Variants in NMBR observed in about 807,000 individuals in gnomAD.
The protein encoded by NMBR is neuromedin B receptor.
In NMBR, 16 loss-of-function variants were observed where a neutral mutation model predicts 20.5. The ratio of observed to expected loss-of-function variants is 0.78; its 90% confidence interval spans 0.53 to 1.19. The LOEUF is 1.19. Ranked by LOEUF, NMBR falls within the 50% of genes most tolerant of loss-of-function variation. NMBR has a pLI of 0.00. For missense variants in NMBR, 582 were observed against 499.1 expected (o/e 1.17, Z -1.58); for synonymous variants, 212 against 196.6 (o/e 1.08, Z -0.65).
At chr6:142,105,479 A>T (rs570379027) in intron 1 of NMBR, among the ~76,000 whole-genome samples, 2 of 152,340 alleles carry the variant, frequency 1.3e-5, no homozygotes, top group South Asian at 2.1e-4. Flanking sequence ...ACCACACAAG[A>T]TTTCCATAAA....
At chr6:142,076,824 T>G (rs1776959360) in intron 3 of NMBR, among the ~76,000 whole-genome samples, 1 of 152,198 alleles carries the variant, frequency 6.6e-6, no homozygotes, top group African/African-American at 2.4e-5. Flanking sequence ...AACATGGACA[T>G]GGAATACCAA....
rs1231958062 is a variant in NMBR at position 142,078,729 on chromosome 6, G to A, written c.597C>T (p.Ile199=). The part of the protein sequence containing the change: ...SLDNSSFTAC[I]PYPQTDELHP... ...GTAATTCATCTGTTTGAGGGTATGG[G>A]ATACATGCTGTGAAGCTGCTATTAT... is the stretch of plus-strand genomic sequence containing the variant. Residue 199 remains isoleucine, a synonymous_variant, in exon 3 of 4, where the codon ATC becomes ATT. Coordinates refer to ENST00000258042, the MANE Select transcript of NMBR (RefSeq NM_002511.4). The A allele has an allele frequency of 6.2e-7, 1 of 1,613,982 alleles. No homozygotes were observed. Among genetic ancestry groups the A allele is most frequent in the East Asian group, 2.2e-5 (1 of 44,854 alleles).
chr6:142,081,086 A>T (rs1369282364), intron 2 of NMBR, among the ~76,000 whole-genome samples: 1 of 152,126 alleles, frequency 6.6e-6, no homozygotes, highest in Non-Finnish European at 1.5e-5. Flanking sequence ...GTCTGGTGAG[A>T]GTCCCCCTTT....
intron 1 of NMBR, among the ~76,000 whole-genome samples, chr6:142,136,814 G>A (rs1160656664): frequency 3.9e-5 from 6 of 152,034 alleles, no homozygotes; most frequent in Non-Finnish European, 5.9e-5. Flanking sequence ...GTAGATATGC[G>A]GCAGTATTTC....
intron 1 of NMBR, among the ~76,000 whole-genome samples, chr6:142,114,185 T>C (rs1777814411): frequency 6.6e-6 from 1 of 152,180 alleles, no homozygotes; most frequent in Non-Finnish European, 1.5e-5. Context: ...AAAGAGGATT[T>C]GAATGAGCCC....
intron 2 of NMBR, among the ~76,000 whole-genome samples, chr6:142,080,175 T>C (rs1237083870): frequency 6.6e-6 from 1 of 152,090 alleles, no homozygotes; most frequent in African/African-American, 2.4e-5. Flanking sequence ...TTAGCTTTAC[T>C]TTCCATCATT....
chr6:142,102,383 C>T (rs1433247384), intron 1 of NMBR, among the ~76,000 whole-genome samples: 1 of 132,528 alleles, frequency 7.5e-6, no homozygotes, highest in Non-Finnish European at 1.6e-5. Flanking sequence ...GAGCAACACT[C>T]TGTCTCAAAA....
rs559300186 is a variant in NMBR, at chr6:142,146,589, C to A, written c.-664+455G>T. Reference sequence around the variant, plus strand: ...AGATAATAAATATGAAAATACTTTACAAATTGTTAATCACTCTCCAGAAAA... The same window carrying A: ...AGATAATAAATATGAAAATACTTTAAAAATTGTTAATCACTCTCCAGAAAA... On this transcript the variant is annotated intron_variant, in intron 1 of 3. Coordinates refer to ENST00000258042, the MANE Select transcript of NMBR (RefSeq NM_002511.4). 2.0e-5 allele frequency among the ~76,000 whole-genome samples: 3 copies of A among 151,794 alleles called. No individual in the cohort carries two copies. In the East Asian group the frequency reaches 5.8e-4, roughly 29 times the overall value.
At chr6:142,131,734 A>G (rs375589740) in intron 1 of NMBR, among the ~76,000 whole-genome samples, 24 of 152,286 alleles carry the variant, frequency 1.6e-4, no homozygotes, top group Admixed American at 1.2e-3. Context: ...TGGCCCTCAT[A>G]GATCTCAGCA....
At chr6:142,081,297 A>G (rs1777089866) in intron 2 of NMBR, among the ~76,000 whole-genome samples, 1 of 152,208 alleles carries the variant, frequency 6.6e-6, no homozygotes, top group African/African-American at 2.4e-5. Context: ...CATAAACATT[A>G]TATCATAGCA....
intron 1 of NMBR, chr6:142,133,980 A>G (rs1188306621): frequency 8.5e-6 from 6 of 702,444 alleles, no homozygotes; most frequent in Admixed American, 2.0e-5. Context: ...GATCCAGACA[A>G]AAGAGAAGTA....
At chr6:142,142,658 T>C (rs1207156506) in intron 1 of NMBR, among the ~76,000 whole-genome samples, 2 of 151,786 alleles carry the variant, frequency 1.3e-5, no homozygotes, top group Admixed American at 6.6e-5. Flanking sequence ...AAAAACAAAA[T>C]AAACATATAT....
intron 1 of NMBR, among the ~76,000 whole-genome samples, chr6:142,107,606 G>A (rs1777684131): frequency 6.6e-6 from 1 of 152,024 alleles, no homozygotes; most frequent in African/African-American, 2.4e-5. Context: ...AATCCAACAA[G>A]TTCCATATAC....
At chr6:142,103,865 A>G (rs998979506) in intron 1 of NMBR, among the ~76,000 whole-genome samples, 2 of 152,312 alleles carry the variant, frequency 1.3e-5, no homozygotes, top group East Asian at 1.9e-4. Flanking sequence ...TTTTCATTAA[A>G]GTGTTGAAAA....
At chr6:142,078,057 T>C (rs949324844) in intron 3 of NMBR, among the ~76,000 whole-genome samples, 1 of 152,200 alleles carries the variant, frequency 6.6e-6, no homozygotes, top group African/African-American at 2.4e-5. Context: ...GGGTTCCTTT[T>C]CTGCTGCTCT....
rs766729999 is a variant in NMBR, at chr6:142,088,339, T to C, written c.320A>G (p.Asp107Gly). 3.7e-6 allele frequency: 6 copies of C among 1,614,066 alleles called. No homozygotes were observed. Among genetic ancestry groups the C allele is most frequent in the South Asian group, 2.2e-5 (2 of 91,066 alleles). Residue 107 changes from aspartate to glycine, a missense_variant, in exon 2 of 4, where the codon GAC becomes GGC. Transcript: ENST00000258042. ...GCCCACCTTGCCAAACATCCACTCG[T>C]CGAAGAAGTAGCGCGAGGCGTCCAC... is the stretch of plus-strand genomic sequence containing the variant. ...VPVDASRYFF[D>G]EWMFGKVGCK...
chr6:142,128,775 T>A (rs1382313759), intron 1 of NMBR, among the ~76,000 whole-genome samples: 2 of 151,830 alleles, frequency 1.3e-5, no homozygotes, highest in African/African-American at 2.4e-5. Context: ...TAGTATTTTA[T>A]GGAGGGTTTT....
chr6:142,130,020 C>A (rs943854957), intron 1 of NMBR, among the ~76,000 whole-genome samples: 4 of 152,062 alleles, frequency 2.6e-5, no homozygotes, highest in African/African-American at 9.7e-5. Flanking sequence ...CAACTACACC[C>A]CTGGTATGAA....
At position 142,107,611 on chromosome 6, in the gene NMBR, A is replaced by G. The variant is rs1348212985; in HGVS notation, c.-663-18290T>C. On this transcript the variant is annotated intron_variant, in intron 1 of 3. Coordinates refer to ENST00000258042, the MANE Select transcript of NMBR (RefSeq NM_002511.4). The stretch of plus-strand genomic sequence containing the variant: ...GTTACTAAAAAATCCAACAAGTTCC[A>G]TATACAGATTTACTACAGTATATTT... Among the ~76,000 whole-genome samples the G allele has an allele frequency of 3.3e-5, 5 of 152,336 alleles. No individual in the cohort carries two copies. The East Asian group carries it at 9.6e-4, about 29-fold the overall frequency.
Sources: gnomAD v4.1 joint callset for allele counts (sites outside exome capture counted in the v4.1 genomes callset) on GRCh38, gnomAD v4.1.1 for gene constraint, MANE v1.5 for transcripts, NCBI Gene and HGNC (gene_info 2026-07-23, HGNC 2026-07-21) for gene names.